The following CENPF variants were observed in gnomAD, a reference collection of about 807,000 sequenced individuals.
CENPF encodes the protein AH antigen.
Under a neutral mutation model 307.3 loss-of-function variants are expected in CENPF, and 214 were observed. The observed-to-expected ratio is 0.70, with a 90% confidence interval of 0.62 to 0.78. The LOEUF (loss-of-function observed/expected upper bound fraction) is 0.78. Ranked by LOEUF, CENPF falls within the 30% of genes least tolerant of loss-of-function variation. The pLI, the probability that CENPF is intolerant of heterozygous loss-of-function variation, is 0.00. For synonymous variants in CENPF, 1,259 were observed against 1,270.6 expected (o/e 0.99, Z 0.19); for missense variants, 3,401 against 3,483.9 (o/e 0.98, Z 0.60).
intron 8 of CENPF, 55 bp downstream of exon 8, chr1:214,629,226 C>T: frequency 6.8e-7 from 1 of 1,478,634 alleles, no homozygotes; most frequent in Non-Finnish European, 9.0e-7. Context: ...ATGGGCTTTT[C>T]ATAGTTTGAT....
chr1:214,626,793 A>G (rs1657666983), intron 7 of CENPF, among the ~76,000 whole-genome samples: 1 of 152,226 alleles, frequency 6.6e-6, no homozygotes, highest in South Asian at 2.1e-4. Flanking sequence ...AACTTATAAT[A>G]ATATTAGCTG....
At chr1:214,610,283 T>C (rs898906797) in intron 1 of CENPF, among the ~76,000 whole-genome samples, 1 of 152,206 alleles carries the variant, frequency 6.6e-6, no homozygotes, top group African/African-American at 2.4e-5. Flanking sequence ...CTTTCCACAA[T>C]GGTTGAACTA....
intron 18 of CENPF, 87 bp downstream of exon 18, chr1:214,657,496 T>G: frequency 1.0e-6 from 1 of 993,254 alleles, no homozygotes; most frequent in South Asian, 1.6e-5. Context: ...AGTATTTGCT[T>G]TTTTACATTA....
chr1:214,605,719 G>A (rs55810324), intron 1 of CENPF: 1 of 1,593,542 alleles, frequency 6.3e-7, no homozygotes, highest in Non-Finnish European at 8.5e-7. Flanking sequence ...AGCGACGCAG[G>A]CCCTCCAGGT....
At chr1:214,647,588 C>G (rs1250938559) in intron 13 of CENPF, among the ~76,000 whole-genome samples, 188 bp downstream of exon 13, 1 of 152,186 alleles carries the variant, frequency 6.6e-6, no homozygotes, top group Non-Finnish European at 1.5e-5. Context: ...GCAGTAGTCA[C>G]TATTCTGGCT....
chr1:214,621,745 A>T (rs1444726444), intron 6 of CENPF, among the ~76,000 whole-genome samples: 3 of 152,192 alleles, frequency 2.0e-5, no homozygotes, highest in African/African-American at 7.2e-5. Flanking sequence ...TGTAAAACTA[A>T]ATGGTAATTT....
chr1:214,646,925 A>G lies in CENPF; in HGVS notation c.7355A>G (p.Glu2452Gly), dbSNP rs767065043. 4 of 1,614,016 alleles carry G rather than the reference A, an allele frequency of 2.5e-6. No homozygotes were observed. In the African/African-American group the frequency reaches 5.3e-5, roughly 22 times the overall value. The change falls in exon 13 of 20, where the codon GAG (glutamate) becomes GGG (glycine). Residue 2452 changes from glutamate to glycine, a missense_variant. By Grantham distance (98) the Glu-to-Gly change is moderately conservative. Transcript: ENST00000366955. ...CAAACACAATTAAAAGAGCTCAATG[A>G]GAGAGTGGCAGCCCTGCATAATGAC... ...MLQTQLKELN[E>G]RVAALHNDQE...
chr1:214,621,296 G>A (rs1558173245), intron 6 of CENPF, among the ~76,000 whole-genome samples: 2 of 152,176 alleles, frequency 1.3e-5, no homozygotes, highest in Non-Finnish European at 2.9e-5. Context: ...CCAGGCTGTG[G>A]TCTGACCAGC....
intron 2 of CENPF, 61 bp from the exon 3 acceptor site, chr1:214,614,771 A>G: frequency 3.3e-6 from 4 of 1,195,932 alleles, no homozygotes; most frequent in Non-Finnish European, 4.7e-6. Context: ...CAGGTTTACC[A>G]ATAATACTTG....
At chr1:214,649,749 T>G (rs1365897934) in intron 14 of CENPF, among the ~76,000 whole-genome samples, 4 of 152,200 alleles carry the variant, frequency 2.6e-5, no homozygotes, top group Non-Finnish European at 5.9e-5. Flanking sequence ...GAAATCTCTT[T>G]TGGTGTTGAG....
intron 10 of CENPF, among the ~76,000 whole-genome samples, chr1:214,635,866 C>G (rs1558180155): frequency 6.6e-6 from 1 of 152,156 alleles, no homozygotes; most frequent in Non-Finnish European, 1.5e-5. Flanking sequence ...CCCATCTTTC[C>G]CTGGTGCCCT....
Position 214,639,993 on chromosome 1 carries a change from C to G in CENPF, c.1655C>G (p.Thr552Ser). ...EKINQQENSL[T>S]LEKLKLAVAD... ...ATAAATCAGCAAGAAAACTCCTTGA[C>G]TTTAGAAAAACTGAAGCTTGCTGTG... Residue 552 changes from threonine (T) to serine (S), a missense_variant, in exon 12 of 20, where the codon ACT becomes AGT. Thr to Ser is a moderately conservative substitution (Grantham distance 58). Transcript: ENST00000366955. The G allele has an allele frequency of 6.3e-7, 1 of 1,589,028 alleles. No homozygotes were observed. Among genetic ancestry groups the G allele is most frequent in the East Asian group, 2.3e-5 (1 of 44,438 alleles).
Position 214,655,314 on chromosome 1 carries a change from T to A in CENPF, c.8396T>A (p.Ile2799Asn). ...GCCCAGGGGAAAATGAAGTTGTTGA[T>A]CAAATCCTGTAAACAGCTGGAAGAG... ...ERAQGKMKLLIKSCKQLEEEK... is the reference protein window; with the variant it reads ...ERAQGKMKLLNKSCKQLEEEK... Residue 2799 changes from isoleucine (I) to asparagine (N), a missense_variant, in exon 17 of 20, where the codon ATC becomes AAC. Transcript: ENST00000366955. The A allele has an allele frequency of 6.2e-7, 1 of 1,608,970 alleles. No homozygotes were observed. The highest frequency in any genetic ancestry group is 1.1e-5 in the South Asian group (1 of 90,054).
intron 12 of CENPF, among the ~76,000 whole-genome samples, chr1:214,644,206 A>G (rs1242344791): frequency 1.3e-5 from 2 of 152,258 alleles, no homozygotes; most frequent in Non-Finnish European, 1.5e-5. Context: ...GCATTTTGTT[A>G]GCCTCTTATT....
chr1:214,657,717 G>A (rs976085839), intron 18 of CENPF, among the ~76,000 whole-genome samples: 8 of 152,172 alleles, frequency 5.3e-5, no homozygotes, highest in African/African-American at 1.9e-4. Flanking sequence ...TTTCCTACCC[G>A]TTGGTCATGT....
Position 214,618,196 on chromosome 1 carries a change from G to T in CENPF, c.360-377G>T, listed in dbSNP as rs1295874919. The stretch of plus-strand genomic sequence containing the variant: ...CCATGATTCAATCACCTCTCACCGG[G>T]TCCCCACCACCCCACCACACATGGG... On this transcript the variant is annotated intron_variant, in intron 3 of 19. Coordinates refer to ENST00000366955, the MANE Select transcript of CENPF (RefSeq NM_016343.4). Among the ~76,000 whole-genome samples the T allele has an allele frequency of 2.6e-5, 4 of 152,054 alleles. No individual in the cohort carries two copies. In the East Asian group the frequency reaches 7.7e-4, roughly 29 times the overall value.
intron 11 of CENPF, among the ~76,000 whole-genome samples, chr1:214,638,519 C>G (rs75716567): frequency 0.049 from 7,470 of 152,274 alleles, 237 homozygotes; most frequent in East Asian, 0.12. Context: ...TCAAATGAAT[C>G]CACTCTTGGT....
At chr1:214,613,428 A>G (rs963947850) in intron 1 of CENPF, 5 of 191,858 alleles carry the variant, frequency 2.6e-5, no homozygotes, top group Non-Finnish European at 5.3e-5. Context: ...TGTTTTGTAT[A>G]ATGAAAAAAC....
rs1413641928 is a variant in CENPF, at chr1:214,640,927, A to C, written c.2589A>C (p.Ile863=). 1 of 1,608,726 alleles carries C rather than the reference A, an allele frequency of 6.2e-7. No individual in the cohort carries two copies. The highest frequency in any genetic ancestry group is 8.5e-7 in the Non-Finnish European group (1 of 1,178,790). The change falls in exon 12 of 20, where the codon ATA becomes ATC. Residue 863 remains isoleucine, a synonymous_variant. Coordinates refer to ENST00000366955, the MANE Select transcript of CENPF (RefSeq NM_016343.4). ...AGTTGGTGCAAATCAAAGGAGAAAT[A>C]GAAGAAAATCTCATGAAAGCAGAAC... ...CEELVQIKGE[I]EENLMKAEQM...
Sources: gnomAD v4.1 joint callset for allele counts (sites outside exome capture counted in the v4.1 genomes callset) on GRCh38, gnomAD v4.1.1 for gene constraint, MANE v1.5 for transcripts, NCBI Gene and HGNC (gene_info 2026-07-23, HGNC 2026-07-21) for gene names.